The following MICAL2 variants were observed in gnomAD, a reference collection of about 807,000 sequenced individuals.
MICAL2 encodes microtubule associated monooxygenase, calponin and LIM domain containing 2, also known as [F-actin]-monooxygenase MICAL2.
In MICAL2, 77 loss-of-function variants were observed where a neutral mutation model predicts 127.3. The ratio of observed to expected loss-of-function variants is 0.60; its 90% CI spans 0.50 to 0.73. MICAL2 has a LOEUF of 0.73. Ranked by LOEUF, MICAL2 falls within the 30% of genes least tolerant of loss-of-function variation. MICAL2 has a pLI of 0.00. For missense variants in MICAL2, 1,351 were observed against 1,434.4 expected (o/e 0.94, Z 0.94); for synonymous variants, 570 against 551.1 (o/e 1.03, Z -0.48).
intron 29 of MICAL2, among the ~76,000 whole-genome samples, chr11:12,297,388 T>A (rs1307425576): frequency 6.6e-6 from 1 of 152,170 alleles, no homozygotes; most frequent in African/African-American, 2.4e-5. Context: ...TTTTTCTTAA[T>A]AGTATGTAGG....
chr11:12,156,392 G>C (rs1308972597), intron 2 of MICAL2, among the ~76,000 whole-genome samples: 1 of 152,184 alleles, frequency 6.6e-6, no homozygotes, highest in African/African-American at 2.4e-5. Context: ...TGGAGAAGTG[G>C]AACTTATCTT....
intron 15 of MICAL2, among the ~76,000 whole-genome samples, chr11:12,231,102 C>T (rs377410190): frequency 2.0e-5 from 3 of 152,214 alleles, no homozygotes; most frequent in East Asian, 1.9e-4. Flanking sequence ...TGCATGGGCA[C>T]ACACACAGAC....
downstream of MICAL2, among the ~76,000 whole-genome samples, chr11:12,288,488 GAC>G (rs1863854902): frequency 6.6e-6 from 1 of 152,194 alleles, no homozygotes; most frequent in Admixed American, 6.5e-5. Flanking sequence ...GGAGCAAGAG[GAC>G]TGCTGAGCAG....
intron 2 of MICAL2, among the ~76,000 whole-genome samples, chr11:12,285,384 C>T (rs117806264): frequency 0.022 from 3,315 of 152,302 alleles, 58 homozygotes; most frequent in Non-Finnish European, 0.036. Context: ...TCTAATCTTG[C>T]GGCTAATTTG....
At chr11:12,180,562 T>C (rs1488839511) in intron 3 of MICAL2, among the ~76,000 whole-genome samples, 1 of 152,158 alleles carries the variant, frequency 6.6e-6, no homozygotes, top group African/African-American at 2.4e-5. Context: ...ATCACAATAG[T>C]ATAAAGCTTT....
intron 2 of MICAL2, among the ~76,000 whole-genome samples, chr11:12,145,127 G>T (rs2133664917): frequency 8.6e-6 from 1 of 116,202 alleles, no homozygotes; most frequent in Admixed American, 9.3e-5. Context: ...CCTAAGAACT[G>T]TCCAGCTGGG....
chr11:12,142,453 G>A (rs1305275582), intron 2 of MICAL2, among the ~76,000 whole-genome samples: 1 of 152,202 alleles, frequency 6.6e-6, no homozygotes, highest in Admixed American at 6.5e-5. Flanking sequence ...AATCATATGA[G>A]CGTTGTTGCT....
chr11:12,255,999 G>C, intron 23 of MICAL2: 1 of 440,656 alleles, frequency 2.3e-6, no homozygotes, highest in Non-Finnish European at 4.1e-6. Flanking sequence ...TGTGGCTTTG[G>C]AGAACGGCCT....
intron 13 of MICAL2, chr11:12,225,484 G>C (rs1435954838): frequency 6.6e-6 from 1 of 152,148 alleles, no homozygotes; most frequent in Admixed American, 6.5e-5. Flanking sequence ...TAGGAGGATG[G>C]ACCGTCTTTT....
At chr11:12,293,785 G>A, downstream of MICAL2, 5 of 1,612,918 alleles carry the variant, frequency 3.1e-6, no homozygotes, top group Non-Finnish European at 4.2e-6. Context: ...AGCCAGCAGA[G>A]GCCCCTCTTG....
intron 12 of MICAL2, 65 bp from the exon 13 acceptor site, chr11:12,224,608 G>C: frequency 6.4e-7 from 1 of 1,565,832 alleles, no homozygotes; most frequent in Non-Finnish European, 8.7e-7. Context: ...AATGAGAAGG[G>C]AGCGCCAGGG....
intron 3 of MICAL2, among the ~76,000 whole-genome samples, chr11:12,190,346 T>C (rs1014193132): frequency 6.6e-6 from 1 of 152,156 alleles, no homozygotes; most frequent in Admixed American, 6.5e-5. Flanking sequence ...GGATATCAGA[T>C]GTGTATCCAA....
chr11:12,230,693 T>G (rs531893452), intron 15 of MICAL2, among the ~76,000 whole-genome samples: 2 of 149,046 alleles, frequency 1.3e-5, no homozygotes, highest in South Asian at 4.4e-4. Context: ...TGATTTTCAC[T>G]GACGATGTTA....
intron 2 of MICAL2, among the ~76,000 whole-genome samples, chr11:12,281,516 G>A (rs1021143180): frequency 9.2e-5 from 14 of 152,174 alleles, no homozygotes; most frequent in African/African-American, 3.4e-4. Flanking sequence ...ATGCAGCCCT[G>A]GATGGCATCA....
At chr11:12,294,119 C>G (rs1565296499), downstream of MICAL2, 9 of 1,613,926 alleles carry the variant, frequency 5.6e-6, no homozygotes, top group Middle Eastern at 1.6e-4. Context: ...AGTCCGCCCC[C>G]TGCTGCTCCC....
intron 23 of MICAL2, 78 bp downstream of exon 23, chr11:12,255,828 G>C: frequency 8.6e-7 from 1 of 1,164,010 alleles, no homozygotes. Context: ...GATGTCGAGA[G>C]GATGCCCTGG....
intron 1 of MICAL2, among the ~76,000 whole-genome samples, chr11:12,112,177 G>A (rs2133403940): frequency 6.6e-6 from 1 of 152,266 alleles, no homozygotes; most frequent in Admixed American, 6.5e-5. Context: ...CTTGTTTCAT[G>A]GCTGTGGGAA....
chr11:12,129,950 T>C (rs544494300), intron 1 of MICAL2, among the ~76,000 whole-genome samples: 61 of 152,292 alleles, frequency 4.0e-4, no homozygotes, highest in Middle Eastern at 6.8e-3. Flanking sequence ...GGACTCTAAG[T>C]TATCCTTCCA....
At chr11:12,360,606 G>A (rs1274558880), downstream of MICAL2, among the ~76,000 whole-genome samples, 1 of 152,222 alleles carries the variant, frequency 6.6e-6, no homozygotes, top group African/African-American at 2.4e-5. Context: ...AGCGTGTCAT[G>A]TTTGAGTTGT....
Sources: allele counts gnomAD v4.1 joint callset (sites outside exome capture counted in the v4.1 genomes callset), GRCh38; gene constraint gnomAD v4.1.1; transcripts MANE v1.5; gene names NCBI Gene and HGNC (gene_info 2026-07-23, HGNC 2026-07-21).